The following NRXN3 variants were observed in gnomAD, a reference collection of about 807,000 sequenced individuals.
The protein encoded by NRXN3 is neurexin III.
Under a neutral mutation model 137.6 loss-of-function variants are expected in NRXN3, and 32 were observed. That is an observed-to-expected ratio of 0.23 (90% CI 0.18 to 0.31). NRXN3 has a LOEUF of 0.31. Ranked by LOEUF, NRXN3 falls within the 10% of genes least tolerant of loss-of-function variation. The pLI, the probability that NRXN3 is intolerant of heterozygous loss-of-function variation, is 1.00. For missense variants in NRXN3, 1,574 were observed against 2,062.5 expected (o/e 0.76, Z 4.59); for synonymous variants, 798 against 784.5 (o/e 1.02, Z -0.29).
chr14:79,745,724 C>T (rs577413021), intron 19 of NRXN3, among the ~76,000 whole-genome samples: 1 of 152,198 alleles, frequency 6.6e-6, no homozygotes, highest in Non-Finnish European at 1.5e-5. Context: ...GTCTAGAAGT[C>T]TCAAAACAAG....
At position 78,802,319 on chromosome 14, in the gene NRXN3, T is replaced by A. The variant is rs147946491; in HGVS notation, c.2045-1301T>A. ...AACACCACATGTTCTCACTCATAGG[T>A]GGGAACTGAACAATGAGAACACATG... On this transcript the variant is annotated intron_variant, in intron 8 of 20. Transcript: ENST00000335750. Among the ~76,000 whole-genome samples the A allele has an allele frequency of 6.0e-3, 909 of 152,032 alleles. 14 individuals are homozygous for A. Among genetic ancestry groups the A allele is most frequent in the African/African-American group, 0.021 (854 of 41,462 alleles).
At chr14:79,358,617 G>GAAAGAAAGAAAGA (rs2093551188) in intron 15 of NRXN3, among the ~76,000 whole-genome samples, 1 of 133,506 alleles carries the variant, frequency 7.5e-6, no homozygotes, top group South Asian at 2.5e-4. Flanking sequence ...GAGAAAGAAA[G>GAAAGAAAGAAAGA]AAAGAAAGAA....
chr14:78,770,676 A>G (rs932896556), intron 8 of NRXN3, among the ~76,000 whole-genome samples: 1 of 152,216 alleles, frequency 6.6e-6, no homozygotes, highest in South Asian at 2.1e-4. Context: ...TAAAAAATAA[A>G]CTGAGGTTTT....
At chr14:78,323,617 GA>G (rs2079674597) in intron 4 of NRXN3, among the ~76,000 whole-genome samples, 1 of 152,058 alleles carries the variant, frequency 6.6e-6, no homozygotes, top group Admixed American at 6.5e-5. Flanking sequence ...TAGATCGATG[GA>G]TAGGTCTGCT....
intron 4 of NRXN3, among the ~76,000 whole-genome samples, chr14:78,596,210 A>G (rs976361945): frequency 6.6e-6 from 1 of 152,242 alleles, no homozygotes. Flanking sequence ...CTCTAGATAC[A>G]GGACTAAAGT....
chr14:79,563,171 T>C (rs1378246337), intron 16 of NRXN3, among the ~76,000 whole-genome samples: 1 of 152,218 alleles, frequency 6.6e-6, no homozygotes, highest in African/African-American at 2.4e-5. Flanking sequence ...CTTTCTTTAA[T>C]GCTAAATTCT....
chr14:79,046,567 T>C (rs1259493443), intron 15 of NRXN3, among the ~76,000 whole-genome samples: 3 of 152,198 alleles, frequency 2.0e-5, no homozygotes, highest in Non-Finnish European at 4.4e-5. Context: ...CAGTGATATG[T>C]CATGCAGATG....
intron 17 of NRXN3, among the ~76,000 whole-genome samples, chr14:79,684,928 GA>G (rs1555628920): frequency 6.6e-6 from 1 of 152,122 alleles, no homozygotes; most frequent in Non-Finnish European, 1.5e-5. Context: ...GATCACAGGG[GA>G]AAGAGTGAGC....
chr14:78,638,331 C>G (rs1438472131), intron 4 of NRXN3, among the ~76,000 whole-genome samples: 1 of 152,138 alleles, frequency 6.6e-6, no homozygotes, highest in Non-Finnish European at 1.5e-5. Flanking sequence ...GTACACTCTG[C>G]TTTTAAAATA....
chr14:79,141,592 G>T (rs573672310), intron 15 of NRXN3, among the ~76,000 whole-genome samples: 1 of 152,184 alleles, frequency 6.6e-6, no homozygotes, highest in South Asian at 2.1e-4. Context: ...CAATATTATA[G>T]GTACTTGAAC....
intron 15 of NRXN3, chr14:79,280,054 C>T: frequency 7.5e-7 from 1 of 1,339,616 alleles, no homozygotes; most frequent in Non-Finnish European, 9.5e-7. Context: ...CCCTGGCATT[C>T]TAAATTTCAG....
At chr14:78,941,530 G>A (rs2099352930) in intron 10 of NRXN3, among the ~76,000 whole-genome samples, 1 of 152,122 alleles carries the variant, frequency 6.6e-6, no homozygotes, top group Admixed American at 6.5e-5. Context: ...TGCTCCCTCA[G>A]AAGCACCATT....
chr14:79,076,819 G>T (rs2152738475), intron 15 of NRXN3, among the ~76,000 whole-genome samples: 1 of 152,314 alleles, frequency 6.6e-6, no homozygotes, highest in Admixed American at 6.5e-5. Context: ...TGCAGGGTCT[G>T]CTGAGATGGC....
chr14:79,059,927 A>G (rs2102170), intron 15 of NRXN3, among the ~76,000 whole-genome samples: 150,933 of 152,338 alleles, frequency 0.99, 74,795 homozygotes, highest in Middle Eastern at 1. Context: ...ATCCATACAA[A>G]TACCAGGAAA....
At position 79,867,856 on chromosome 14, in the gene NRXN3, T is replaced by G. The variant is rs1220897181; in HGVS notation, c.*5892T>G. Reference sequence around the variant, plus strand: ...CCAGGATAGAAGAGCAGTGTTAGGGTTGCATGAGAGTGAGGGCATATAAGA... The same window carrying G: ...CCAGGATAGAAGAGCAGTGTTAGGGGTGCATGAGAGTGAGGGCATATAAGA... On this transcript the variant is annotated 3_prime_UTR_variant, in exon 21 of 21. Coordinates refer to ENST00000335750, the MANE Select transcript of NRXN3 (RefSeq NM_001330195.2). The G allele has an allele frequency of 6.6e-6, 1 of 151,984 alleles. No individual in the cohort carries two copies. The highest frequency in any genetic ancestry group is 6.6e-5 in the Admixed American group (1 of 15,234). The allele number at this position is 151,984 out of a possible 1,614,324, so 9.4% of individuals were successfully genotyped here.
intron 1 of NRXN3, among the ~76,000 whole-genome samples, chr14:78,227,629 C>T (rs937831082): frequency 1.1e-4 from 17 of 152,188 alleles, no homozygotes; most frequent in South Asian, 4.2e-4. Context: ...TGGTTCTCTG[C>T]GGTGACGTCC....
intron 3 of NRXN3, among the ~76,000 whole-genome samples, chr14:78,281,816 C>A (rs935398342): frequency 6.6e-6 from 1 of 152,154 alleles, no homozygotes; most frequent in Non-Finnish European, 1.5e-5. Flanking sequence ...GGTGACTAGG[C>A]CAGGATCCCG....
intron 15 of NRXN3, among the ~76,000 whole-genome samples, chr14:79,337,821 T>C (rs983388720): frequency 2.1e-4 from 32 of 152,184 alleles, no homozygotes; most frequent in African/African-American, 7.5e-4. Context: ...TGTAGGCTCT[T>C]GAGGTCAGGT....
intron 16 of NRXN3, among the ~76,000 whole-genome samples, chr14:79,484,093 C>T (rs1204303066): frequency 7.9e-5 from 12 of 152,138 alleles, no homozygotes; most frequent in Admixed American, 1.3e-4. Context: ...GGTCACGAAC[C>T]GGATCAGTAC....
Sources: allele counts gnomAD v4.1 joint callset (sites outside exome capture counted in the v4.1 genomes callset), GRCh38; gene constraint gnomAD v4.1.1; transcripts MANE v1.5; gene names NCBI Gene and HGNC (gene_info 2026-07-23, HGNC 2026-07-21).